Variants in SYNE1 observed in about 807,000 individuals in gnomAD.
SYNE1 encodes spectrin repeat containing nuclear envelope protein 1.
A neutral mutation model predicts 1,111.0 loss-of-function variants in SYNE1; 616 were observed. That is an observed-to-expected ratio of 0.55 (90% CI 0.52 to 0.59). SYNE1 has a LOEUF of 0.59. SYNE1 is among the 20% of genes least tolerant of loss of function. The probability of loss-of-function intolerance (pLI) is 0.00; values close to 1 mark genes in which losing one functional copy is unlikely to be tolerated. For synonymous variants in SYNE1, 3,855 were observed against 3,825.8 expected (o/e 1.01, Z -0.28); for missense variants, 10,006 against 10,417.0 (o/e 0.96, Z 1.72).
At chr6:152,195,306 A>G (rs2813532) in intron 127 of SYNE1, among the ~76,000 whole-genome samples, 27,565 of 152,090 alleles carry the variant, frequency 0.18, 2,942 homozygotes, top group African/African-American at 0.27. Flanking sequence ...ATTTATTGGT[A>G]TTTTTTGGGT....
chr6:152,181,276 G>A (rs1256727746), intron 128 of SYNE1, among the ~76,000 whole-genome samples: 1 of 152,062 alleles, frequency 6.6e-6, no homozygotes, highest in Non-Finnish European at 1.5e-5. Flanking sequence ...GCCAGGTATG[G>A]TGGCGCACAC....
intron 4 of SYNE1, among the ~76,000 whole-genome samples, chr6:152,534,144 C>G (rs150713538): frequency 6.6e-6 from 1 of 150,960 alleles, no homozygotes; most frequent in African/African-American, 2.4e-5. Context: ...GGCAACAGAG[C>G]AAGACTCTGT....
At chr6:152,533,856 T>A (rs938466906) in intron 4 of SYNE1, among the ~76,000 whole-genome samples, 8 of 152,174 alleles carry the variant, frequency 5.3e-5, no homozygotes, top group African/African-American at 1.9e-4. Context: ...AATAAATGTA[T>A]GATAAATAAA....
chr6:152,259,919 G>A (rs1361757407), intron 101 of SYNE1, among the ~76,000 whole-genome samples: 1 of 152,118 alleles, frequency 6.6e-6, no homozygotes, highest in East Asian at 1.9e-4. Context: ...AGGCAAGGGA[G>A]GCACAACATG....
intron 51 of SYNE1, among the ~76,000 whole-genome samples, chr6:152,393,462 A>G (rs753727177): frequency 6.6e-6 from 1 of 151,994 alleles, no homozygotes; most frequent in Non-Finnish European, 1.5e-5. Flanking sequence ...TATGGTTGCA[A>G]TGATGCTAGT....
chr6:152,413,311 G>C (rs772846986), intron 42 of SYNE1, 41 bp downstream of exon 42: 2 of 1,606,556 alleles, frequency 1.2e-6, no homozygotes, highest in East Asian at 4.5e-5. Context: ...CACATAATAA[G>C]TGGGAAGCTA....
At chr6:152,329,705 A>G (rs1163504761) in intron 78 of SYNE1, 25 bp downstream of exon 78, 1 of 1,614,196 alleles carries the variant, frequency 6.2e-7, no homozygotes. Context: ...TGGAAAAAAG[A>G]GAAGTGAAGT....
intron 137 of SYNE1, chr6:152,146,823 C>T (rs983663634): frequency 3.3e-5 from 5 of 152,254 alleles, no homozygotes; most frequent in East Asian, 1.9e-4. Context: ...GGGTGGTGGT[C>T]CTTCTTGTTT....
chr6:152,419,873 C>A, intron 39 of SYNE1, 151 bp from the exon 40 acceptor site: 1 of 786,590 alleles, frequency 1.3e-6, no homozygotes, highest in South Asian at 1.7e-5. Context: ...CTTCCCAAAC[C>A]CTGCTTTACT....
chr6:152,310,154 T>G, intron 89 of SYNE1, 137 bp from the exon 90 acceptor site: 1 of 1,255,612 alleles, frequency 8.0e-7, no homozygotes, highest in South Asian at 1.4e-5. Context: ...CAGTGTTGAG[T>G]TTAGGGGCTG....
At chr6:152,411,993 A>G (rs1395550988) in intron 42 of SYNE1, among the ~76,000 whole-genome samples, 5 of 152,228 alleles carry the variant, frequency 3.3e-5, no homozygotes, top group African/African-American at 1.2e-4. Flanking sequence ...ACTTACGTAC[A>G]TGCAAAAACT....
At chr6:152,171,973 C>T (rs762113483) in intron 130 of SYNE1, among the ~76,000 whole-genome samples, 2 of 152,126 alleles carry the variant, frequency 1.3e-5, no homozygotes, top group Non-Finnish European at 1.5e-5. Flanking sequence ...ATATAGTAGG[C>T]GTTCAATCAT....
At chr6:152,354,560 G>C (rs1470016566) in intron 67 of SYNE1, 99 bp downstream of exon 67, 8 of 1,463,664 alleles carry the variant, frequency 5.5e-6, no homozygotes, top group Non-Finnish European at 7.6e-6. Flanking sequence ...ATTTTGCAAA[G>C]CCTAAGCTTT....
At chr6:152,322,206 A>G (rs2153930112) in intron 82 of SYNE1, among the ~76,000 whole-genome samples, 1 of 152,326 alleles carries the variant, frequency 6.6e-6, no homozygotes, top group South Asian at 2.1e-4. Context: ...TACATTTAAA[A>G]GTAATGTGTA....
At position 152,416,993 on chromosome 6, in the gene SYNE1, C is replaced by A. The variant is rs1486884042; in HGVS notation, c.5444G>T (p.Ser1815Ile). The A allele has an allele frequency of 6.2e-7, 1 of 1,614,162 alleles. No homozygotes were observed. The highest frequency in any genetic ancestry group is 8.5e-7 in the Non-Finnish European group (1 of 1,180,038). Residue 1815 changes from serine to isoleucine, a missense_variant, in exon 41 of 146, where the codon AGC becomes ATC. Ser to Ile is a moderately radical substitution (Grantham distance 142). Transcript: ENST00000367255. The part of the protein sequence containing the change: ...RHKDHAAEVE[S>I]KKGELQSLQG... ...CAGACTCTGCAATTCGCCCTTTTTG[C>A]TCTCTACTTCTGCTGCGTGGTCCTG...
chr6:152,260,387 A>C (rs1010378924), intron 101 of SYNE1, among the ~76,000 whole-genome samples: 1 of 152,066 alleles, frequency 6.6e-6, no homozygotes, highest in Admixed American at 6.5e-5. Flanking sequence ...TACAGGGAGG[A>C]GGTCCACGCA....
At chr6:152,160,160 C>A (rs1472201825) in intron 131 of SYNE1, among the ~76,000 whole-genome samples, 2 of 152,112 alleles carry the variant, frequency 1.3e-5, no homozygotes, top group Non-Finnish European at 2.9e-5. Context: ...GCAAGCACCA[C>A]CATGCCCAGC....
At chr6:152,165,193 G>A (rs991831823) in intron 130 of SYNE1, among the ~76,000 whole-genome samples, 2 of 151,360 alleles carry the variant, frequency 1.3e-5, no homozygotes, top group Non-Finnish European at 2.9e-5. Flanking sequence ...AGCCACCACC[G>A]CCAGGTGGTT....
At chr6:152,207,646 G>A (rs2076760111) in intron 125 of SYNE1, among the ~76,000 whole-genome samples, 1 of 152,152 alleles carries the variant, frequency 6.6e-6, no homozygotes, top group Admixed American at 6.5e-5. Context: ...TGTTTAAATT[G>A]CTCAAGAATA....
Sources: gnomAD v4.1 joint callset for allele counts (sites outside exome capture counted in the v4.1 genomes callset) on GRCh38, gnomAD v4.1.1 for gene constraint, MANE v1.5 for transcripts, NCBI Gene and HGNC (gene_info 2026-07-23, HGNC 2026-07-21) for gene names.